CGGBP1: variants seen among roughly 807,000 people sequenced by gnomAD.
The protein encoded by CGGBP1 is CGG triplet repeat-binding protein 1.
A neutral mutation model predicts 11.4 loss-of-function variants in CGGBP1; 4 were observed. The observed-to-expected ratio is 0.35, with a 90% CI of 0.17 to 0.80. CGGBP1 has a LOEUF of 0.80. CGGBP1 is among the 30% of genes least tolerant of loss of function. CGGBP1 has a pLI of 0.52. For missense variants in CGGBP1, 135 were observed against 202.1 expected (o/e 0.67, Z 2.01); for synonymous variants, 76 against 74.1 (o/e 1.03, Z -0.13).
intron 2 of CGGBP1, among the ~76,000 whole-genome samples, chr3:88,072,818 G>GAATA (rs1335856820): frequency 6.6e-6 from 1 of 152,106 alleles, no homozygotes; most frequent in African/African-American, 2.4e-5. Flanking sequence ...ATAAATTAAT[G>GAATA]AATAAATATA....
At chr3:88,138,610 G>C in intron 2 of CGGBP1, 1 of 701,432 alleles carries the variant, frequency 1.4e-6, no homozygotes, top group African/African-American at 1.8e-5. Flanking sequence ...TGTTTATTCA[G>C]CTTTCATTTT....
At position 88,055,836 on chromosome 3, in the gene CGGBP1, A is replaced by T; in HGVS notation, c.141T>A (p.Asn47Lys). 1 of 1,614,204 alleles carries T rather than the reference A, an allele frequency of 6.2e-7. No homozygotes were observed. The highest frequency in any genetic ancestry group is 8.5e-7 in the Non-Finnish European group (1 of 1,180,020). ...ACTTGCGAACATGATTCAGAACCAC[A>T]TTGCAAGAAGTGCAGAAGAGTTTTC... The part of the protein sequence containing the change: ...DGGKLFCTSC[N>K]VVLNHVRKSA... Residue 47 changes from asparagine (N) to lysine (K), a missense_variant, in exon 4 of 4, where the codon AAT (asparagine) becomes AAA (lysine). By Grantham distance (94) the Asn-to-Lys change is moderately conservative. Transcript: ENST00000482016. The surrounding 1 kb of genome is among the most constrained non-coding windows in gnomAD (Gnocchi z 4.2).
intron 2 of CGGBP1, among the ~76,000 whole-genome samples, chr3:88,132,788 A>T (rs1416066236): frequency 1.3e-5 from 2 of 152,240 alleles, no homozygotes; most frequent in African/African-American, 4.8e-5. Context: ...GAATAATCCC[A>T]ACCTTTATGT....
intron 1 of CGGBP1, among the ~76,000 whole-genome samples, chr3:88,148,326 CA>C (rs1707345784): frequency 6.6e-6 from 1 of 152,096 alleles, no homozygotes; most frequent in Admixed American, 6.6e-5. Flanking sequence ...AGTAGGTGCT[CA>C]ATTATAATAC....
rs1706496137 is a variant in CGGBP1, at chr3:88,054,494, A to G, written c.*979T>C. ...TTGTACCACCAGAGGCAAAGCAGAT[A>G]AAGTAAACTTGTTTCTAGTCTAGAC... On this transcript the variant is annotated 3_prime_UTR_variant, in exon 4 of 4. Transcript: ENST00000482016. The G allele has an allele frequency of 6.6e-6, 1 of 152,228 alleles. No individual in the cohort carries two copies. Among genetic ancestry groups the G allele is most frequent in the Non-Finnish European group, 1.5e-5 (1 of 68,020 alleles). The allele number at this position is 152,228 out of a possible 1,614,324, so 9.4% of individuals were successfully genotyped here.
intron 2 of CGGBP1, among the ~76,000 whole-genome samples, chr3:88,124,830 C>T (rs181852558): frequency 1.4e-3 from 211 of 151,524 alleles, no homozygotes; most frequent in African/African-American, 4.9e-3. Context: ...ACGCTTTAAG[C>T]TCTATTTATG....
chr3:88,095,472 C>T (rs967091966), intron 2 of CGGBP1: 5 of 399,092 alleles, frequency 1.3e-5, no homozygotes, highest in Non-Finnish European at 2.4e-5. Flanking sequence ...CAACATCAGT[C>T]TCTCTTCATA....
chr3:88,091,389 G>C (rs1708623714), intron 2 of CGGBP1, among the ~76,000 whole-genome samples: 1 of 152,124 alleles, frequency 6.6e-6, no homozygotes, highest in African/African-American at 2.4e-5. Flanking sequence ...ACTGATTTTT[G>C]AGGAAAATAT....
chr3:88,101,592 A>G (rs1348353316), intron 2 of CGGBP1, among the ~76,000 whole-genome samples: 2 of 152,142 alleles, frequency 1.3e-5, no homozygotes, highest in African/African-American at 4.8e-5. Flanking sequence ...TGCATTCAGC[A>G]ATTGATGGCT....
At chr3:88,065,354 C>T (rs1231841182) in intron 2 of CGGBP1, among the ~76,000 whole-genome samples, 2 of 151,852 alleles carry the variant, frequency 1.3e-5, no homozygotes, top group East Asian at 1.9e-4. Context: ...TTCATAATGA[C>T]GTTGTTTGTA....
At chr3:88,091,137 T>C (rs879786318) in intron 2 of CGGBP1, among the ~76,000 whole-genome samples, 14 of 152,198 alleles carry the variant, frequency 9.2e-5, no homozygotes, top group Admixed American at 2.0e-4. Flanking sequence ...TTAAGTGATG[T>C]TCACACAAGG....
intron 2 of CGGBP1, among the ~76,000 whole-genome samples, chr3:88,116,100 A>AT (rs1263080679): frequency 1.3e-5 from 2 of 152,132 alleles, no homozygotes; most frequent in Admixed American, 6.5e-5. Flanking sequence ...GCTGGAGGAA[A>AT]TAGCAGGTGG....
chr3:88,055,673 T>C lies in CGGBP1; in HGVS notation c.304A>G (p.Ser102Gly), dbSNP rs1429026856. Residue 102 changes from serine to glycine, a missense_variant, in exon 4 of 4, where the codon AGT becomes GGT. Physicochemically the swap from Ser to Gly is moderately conservative, Grantham distance 56. Transcript: ENST00000482016. The surrounding 1 kb of genome is among the most constrained non-coding windows in gnomAD (Gnocchi z 4.2). ...CNSTAQTEKVSVIQDFVKMCL... is the reference protein window; with the variant it reads ...CNSTAQTEKVGVIQDFVKMCL... ...ATTTTCACAAAGTCCTGGATAACAC[T>C]GACTTTCTCTGTTTGCGCAGTACTG... 2 of 1,614,110 alleles carry C rather than the reference T, an allele frequency of 1.2e-6. No individual in the cohort carries two copies. The highest frequency in any genetic ancestry group is 1.7e-5 in the Admixed American group (1 of 60,012).
At position 88,054,647 on chromosome 3, in the gene CGGBP1, GTC is replaced by G. The variant is rs1475749574; in HGVS notation, c.*824_*825del. ...TAAAGAGAAAACTCAACCATAAAATGTCTGTTTAAGTAAAAATGCCAATCTTG... is the reference window on the plus strand; with the variant it reads ...TAAAGAGAAAACTCAACCATAAAATGTGTTTAAGTAAAAATGCCAATCTTG... On this transcript the variant is annotated 3_prime_UTR_variant, in exon 4 of 4. Coordinates refer to ENST00000482016, the MANE Select transcript of CGGBP1 (RefSeq NM_001008390.2). 6.6e-6 allele frequency: 1 copy of G among 152,376 alleles called. No individual in the cohort carries two copies. Among genetic ancestry groups the G allele is most frequent in the African/African-American group, 2.4e-5 (1 of 41,296 alleles). 9.4% of individuals were successfully genotyped at this position (152,376 alleles called of 1,614,324 possible). A position where few individuals can be genotyped will look rare whatever the true frequency, so the allele number is the denominator to read the frequency against.
chr3:88,141,690 G>C (rs909175087), intron 1 of CGGBP1: 3 of 1,466,824 alleles, frequency 2.0e-6, no homozygotes, highest in Non-Finnish European at 2.8e-6. Context: ...TCAAGCAGTA[G>C]TGTGAAAAAA....
chr3:88,059,626 G>A, upstream of CGGBP1: 6 of 1,372,654 alleles, frequency 4.4e-6, no homozygotes, highest in South Asian at 9.5e-5. Flanking sequence ...AACAAGGAGG[G>A]TGAGGCTGAA....
intron 2 of CGGBP1, among the ~76,000 whole-genome samples, chr3:88,083,736 A>T (rs1378441120): frequency 6.6e-6 from 1 of 152,108 alleles, no homozygotes; most frequent in Non-Finnish European, 1.5e-5. Flanking sequence ...CACTATTCTT[A>T]TTTGTTTTAG....
chr3:88,118,367 G>A lies in CGGBP1; in HGVS notation c.-229+22603C>T, dbSNP rs1372493879. Among the ~76,000 whole-genome samples, 3 of 152,078 alleles carry A rather than the reference G, an allele frequency of 2.0e-5. No individual in the cohort carries two copies. The East Asian group carries it at 5.8e-4, about 29-fold the overall frequency. On this transcript the variant is annotated intron_variant, in intron 2 of 3. Transcript: ENST00000462901. Reference sequence around the variant, plus strand: ...CTATCTCACTGCGTAATATACCATAGGAGAAGTGGAAAAAATCATCAAAGG... The same window carrying A: ...CTATCTCACTGCGTAATATACCATAAGAGAAGTGGAAAAAATCATCAAAGG...
chr3:88,101,262 G>A (rs1704405804), intron 2 of CGGBP1, among the ~76,000 whole-genome samples: 1 of 152,036 alleles, frequency 6.6e-6, no homozygotes, highest in Non-Finnish European at 1.5e-5. Context: ...GCTCCCTCAT[G>A]CTCATTTGCA....
Sources: gnomAD v4.1 joint callset for allele counts (sites outside exome capture counted in the v4.1 genomes callset) on GRCh38, gnomAD v4.1.1 for gene constraint, Gnocchi (gnomAD v3.1) non-coding constraint, MANE v1.5 for transcripts, NCBI Gene and HGNC (gene_info 2026-07-23, HGNC 2026-07-21) for gene names.